Variants in PEX11A observed in about 807,000 individuals in gnomAD.
PEX11A encodes the protein peroxisomal membrane protein 11A.
PEX11A carries 13 observed loss-of-function variants against 14.4 expected under a neutral mutation model. The ratio of observed to expected loss-of-function variants is 0.90; its 90% CI spans 0.59 to 1.43. The LOEUF is 1.43. PEX11A is among the 40% of genes most tolerant of loss of function. PEX11A has a pLI of 0.00. For missense variants in PEX11A, 290 were observed against 302.8 expected, an observed-to-expected ratio of 0.96 and a Z score of 0.31; for synonymous variants, 101 against 113.0, an observed-to-expected ratio of 0.89 and a Z score of 0.67.
In PEX11A at chr15:89,686,460, A is replaced by T; in HGVS notation, c.143T>A (p.Leu48Gln). ...KEKVVMKLKK[L>Q]ESSVSTGRKW... ...ACGACCAGTGCTCACACTGGACTCC[A>T]GTTTCTTGAGCTTCATTACCACCTT... The change falls in exon 2 of 3, where the codon CTG becomes CAG. Residue 48 changes from leucine (L) to glutamine (Q), a missense_variant. Physicochemically the swap from Leu to Gln is moderately radical, Grantham distance 113. Coordinates refer to ENST00000300056, the MANE Select transcript of PEX11A (RefSeq NM_003847.3). The T allele has an allele frequency of 6.3e-7, 1 of 1,587,750 alleles. No homozygotes were observed. Among genetic ancestry groups the T allele is most frequent in the African/African-American group, 1.3e-5 (1 of 74,522 alleles).
At chr15:89,685,821 G>A (rs1964668243) in intron 2 of PEX11A, among the ~76,000 whole-genome samples, 1 of 152,068 alleles carries the variant, frequency 6.6e-6, no homozygotes, top group South Asian at 2.1e-4. Context: ...TAATGCCTCT[G>A]CTAACCTACT....
In PEX11A at chr15:89,687,231, A is replaced by C. The variant is rs1964691825; in HGVS notation, c.57-685T>G. Among the ~76,000 whole-genome samples, 5 of 152,114 alleles carry C rather than the reference A, an allele frequency of 3.3e-5. No individual in the cohort carries two copies. The South Asian group carries it at 1.0e-3, about 31-fold the overall frequency. ...AGCTACTGTGCCTGGCCTGATTTTCAGATTTCTAAAATGAACTTTTCTACC... is the reference window on the plus strand; with the variant it reads ...AGCTACTGTGCCTGGCCTGATTTTCCGATTTCTAAAATGAACTTTTCTACC... On this transcript the variant is annotated intron_variant, in intron 1 of 2. Transcript: ENST00000300056.
At chr15:89,685,481 T>C (rs2141550039) in intron 2 of PEX11A, among the ~76,000 whole-genome samples, 1 of 151,748 alleles carries the variant, frequency 6.6e-6, no homozygotes, top group South Asian at 2.1e-4. Flanking sequence ...GCCCTACCCT[T>C]CCCATCCCTC....
intron 1 of PEX11A, among the ~76,000 whole-genome samples, chr15:89,690,232 T>C (rs1210869211): frequency 6.6e-6 from 1 of 152,248 alleles, no homozygotes; most frequent in Non-Finnish European, 1.5e-5. Flanking sequence ...CGGAAGAATG[T>C]TGAGTGGAGA....
rs989268392 is a variant in PEX11A at position 89,681,655 on chromosome 15, C to T, written c.*1722G>A. 2 of 552,792 alleles carry T rather than the reference C, an allele frequency of 3.6e-6. No homozygotes were observed. The highest frequency in any genetic ancestry group is 1.9e-5 in the African/African-American group (1 of 53,060). The allele number at this position is 552,792 out of a possible 1,614,324, so 34.2% of individuals were successfully genotyped here. ...AGTAGCTTTCATGTCTCTTAAAATT[C>T]CCTAAATTTTATTTCTCAAATCCCA... is the stretch of plus-strand genomic sequence containing the variant. On this transcript the variant is annotated 3_prime_UTR_variant, in exon 3 of 3. Transcript: ENST00000300056.
chr15:89,689,685 TC>T (rs1015643915), intron 1 of PEX11A, among the ~76,000 whole-genome samples: 13 of 152,194 alleles, frequency 8.5e-5, no homozygotes, highest in Admixed American at 2.0e-4. Flanking sequence ...TCTGAGCTTC[TC>T]CCCACTGTAT....
chr15:89,687,570 C>A (rs1467120258), intron 1 of PEX11A, among the ~76,000 whole-genome samples: 1 of 152,118 alleles, frequency 6.6e-6, no homozygotes, highest in African/African-American at 2.4e-5. Context: ...CATCCAAATC[C>A]ATTTGGCAAT....
In PEX11A at chr15:89,683,136, T is replaced by A. The variant is rs533744945; in HGVS notation, c.*241A>T. The A allele has an allele frequency of 3.9e-6, 2 of 509,630 alleles. No individual in the cohort carries two copies. Among genetic ancestry groups the A allele is most frequent in the South Asian group, 6.4e-5 (2 of 31,488 alleles). The allele number at this position is 509,630 out of a possible 1,614,324, so 31.6% of individuals were successfully genotyped here. ...GCACATAAGAGATGTTCAATCAATG[T>A]TAGATGAAGGGAAAATATTCAGAAA... On this transcript the variant is annotated 3_prime_UTR_variant, in exon 3 of 3. Transcript: ENST00000300056.
intron 2 of PEX11A, among the ~76,000 whole-genome samples, chr15:89,685,532 G>A (rs1964665041): frequency 6.6e-6 from 1 of 151,802 alleles, no homozygotes; most frequent in Non-Finnish European, 1.5e-5. Flanking sequence ...TTTGTAGTTT[G>A]ACAATGATCC....
rs768879552 is a variant in PEX11A at position 89,690,558 on chromosome 15, C to A, written c.56+19G>T. Reference sequence around the variant, plus strand: ...AGTTAGGGCGAGAAAGGGGCGGAGGCCGCTGGCACCTGACTCACCTGAAGA... The same window carrying A: ...AGTTAGGGCGAGAAAGGGGCGGAGGACGCTGGCACCTGACTCACCTGAAGA... On this transcript the variant is annotated intron_variant, in intron 1 of 2. Coordinates refer to ENST00000300056, the MANE Select transcript of PEX11A (RefSeq NM_003847.3). The A allele has an allele frequency of 6.5e-7, 1 of 1,547,298 alleles. No individual in the cohort carries two copies. The highest frequency in any genetic ancestry group is 1.2e-5 in the South Asian group (1 of 83,946).
Position 89,682,313 on chromosome 15 carries a change from A to G in PEX11A, c.*1064T>C, listed in dbSNP as rs371408191. On this transcript the variant is annotated 3_prime_UTR_variant, in exon 3 of 3. Transcript: ENST00000300056. The stretch of plus-strand genomic sequence containing the variant: ...TTCAGCCTCCAGAGTATCTGGGACT[A>G]CAGGCATACTCCACCATGCCTGGCT... 6.6e-6 allele frequency: 1 copy of G among 152,116 alleles called. No individual in the cohort carries two copies. Among genetic ancestry groups the G allele is most frequent in the African/African-American group, 2.4e-5 (1 of 41,392 alleles). 9.4% of individuals were successfully genotyped at this position (152,116 alleles called of 1,614,324 possible).
At chr15:89,685,935 A>G (rs1964669607) in intron 2 of PEX11A, among the ~76,000 whole-genome samples, 1 of 152,250 alleles carries the variant, frequency 6.6e-6, no homozygotes, top group Admixed American at 6.5e-5. Context: ...TAAATTTAAT[A>G]AACACAAAAT....
chr15:89,688,059 T>G, intron 1 of PEX11A: 1 of 535,402 alleles, frequency 1.9e-6, no homozygotes, highest in South Asian at 1.4e-5. Flanking sequence ...AGCACAAACT[T>G]CTTGGTAGTT....
intron 2 of PEX11A, among the ~76,000 whole-genome samples, chr15:89,685,187 G>C (rs1327541677): frequency 2.6e-5 from 3 of 115,232 alleles, no homozygotes; most frequent in Non-Finnish European, 5.0e-5. Flanking sequence ...CTGGGCAACA[G>C]AGTGAGACTC....
Position 89,682,361 on chromosome 15 carries a change from GAGA to G in PEX11A, c.*1013_*1015del, listed in dbSNP as rs1742560891. ...GCTAATTTTTTAACACTTTGTTGTA[GAGA>G]AGGAGTCTCACTACATTGCCCAGGC... On this transcript the variant is annotated 3_prime_UTR_variant, in exon 3 of 3. Transcript: ENST00000300056. 1 of 152,168 alleles carries G rather than the reference GAGA, an allele frequency of 6.6e-6. No homozygotes were observed. Among genetic ancestry groups the G allele is most frequent in the Admixed American group, 6.5e-5 (1 of 15,270 alleles). The allele number at this position is 152,168 out of a possible 1,614,324, so 9.4% of individuals were successfully genotyped here.
chr15:89,683,466 G>A lies in PEX11A; in HGVS notation c.655C>T (p.Pro219Ser). The A allele has an allele frequency of 6.2e-7, 1 of 1,613,768 alleles. No individual in the cohort carries two copies. Among genetic ancestry groups the A allele is most frequent in the South Asian group, 1.1e-5 (1 of 91,072 alleles). The change falls in exon 3 of 3, where the codon CCT (proline) becomes TCT (serine). Residue 219 changes from proline to serine, a missense_variant. Pro to Ser is a moderately conservative substitution (Grantham distance 74). Coordinates refer to ENST00000300056, the MANE Select transcript of PEX11A (RefSeq NM_003847.3). ...AGACCTCCAAGTCCAATGATGCCAG[G>A]ATTGGATTTATAGATCCCCAGCTGG... The part of the protein sequence containing the change: ...LDQLGIYKSN[P>S]GIIGLGGLVS...
chr15:89,687,617 G>T (rs115382864), intron 1 of PEX11A, among the ~76,000 whole-genome samples: 1 of 152,162 alleles, frequency 6.6e-6, no homozygotes, highest in South Asian at 2.1e-4. Context: ...CTACTGTCTT[G>T]TAAGTGCATT....
rs1964622846 is a variant in PEX11A, at chr15:89,683,207, T to C, written c.*170A>G. ...TCCAAAAACATACAACTCTTCATGC[T>C]CCTCCCTTCTCCGTTCTTGGCCTCA... On this transcript the variant is annotated 3_prime_UTR_variant, in exon 3 of 3. Coordinates refer to ENST00000300056, the MANE Select transcript of PEX11A (RefSeq NM_003847.3). 2 of 628,942 alleles carry C rather than the reference T, an allele frequency of 3.2e-6. No individual in the cohort carries two copies. The highest frequency in any genetic ancestry group is 5.6e-6 in the Non-Finnish European group (2 of 354,370). The allele number at this position is 628,942 out of a possible 1,614,324, so 39.0% of individuals were successfully genotyped here.
rs2141548023 is a variant in PEX11A, at chr15:89,683,767, T to C, written c.354A>G (p.Lys118=). The C allele has an allele frequency of 6.2e-7, 1 of 1,614,178 alleles. No individual in the cohort carries two copies. The highest frequency in any genetic ancestry group is 8.5e-7 in the Non-Finnish European group (1 of 1,180,010). Residue 118 remains lysine, a synonymous_variant, in exon 3 of 3, where the codon AAA becomes AAG. Transcript: ENST00000300056. ...VGLTSGINKE[K]WRTRAAHHYY... is the part of the protein sequence containing the mutation. ...AGTGGTGAGCAGCCCTCGTTCGCCA[T>C]TTCTCTTTGTTGATGCCAGAGGTGA...
Sources: gnomAD v4.1 joint callset for allele counts (sites outside exome capture counted in the v4.1 genomes callset) on GRCh38, gnomAD v4.1.1 for gene constraint, MANE v1.5 for transcripts, NCBI Gene and HGNC (gene_info 2026-07-23, HGNC 2026-07-21) for gene names.